PLCB4: variants seen among roughly 807,000 people sequenced by gnomAD.
PLCB4 encodes 1-phosphatidylinositol 4,5-bisphosphate phosphodiesterase beta-4.
In PLCB4, 77 loss-of-function variants were observed where a neutral mutation model predicts 178.8. The ratio of observed to expected loss-of-function variants is 0.43; its 90% CI spans 0.36 to 0.52. The LOEUF (loss-of-function observed/expected upper bound fraction) is 0.52, where lower values mean the gene tolerates loss of function less well. PLCB4 is among the 20% of genes least tolerant of loss of function. PLCB4 has a pLI of 0.00. For synonymous variants in PLCB4, 496 were observed against 490.8 expected (o/e 1.01, Z -0.14); for missense variants, 1,024 against 1,453.4 (o/e 0.70, Z 4.80).
chr20:9,374,356 A>G (rs979249439), intron 12 of PLCB4, among the ~76,000 whole-genome samples: 2 of 152,224 alleles, frequency 1.3e-5, no homozygotes, highest in African/African-American at 4.8e-5. Flanking sequence ...ATCTTTACCC[A>G]GATACTATCC....
intron 36 of PLCB4, 57 bp from the exon 37 acceptor site, chr20:9,472,733 A>G (rs2044271368): frequency 2.1e-6 from 2 of 932,916 alleles, no homozygotes; most frequent in African/African-American, 3.4e-5. Flanking sequence ...ATTATTTGAT[A>G]TAATATTAAT....
At chr20:9,190,536 G>C (rs1187488122) in intron 2 of PLCB4, among the ~76,000 whole-genome samples, 1 of 152,156 alleles carries the variant, frequency 6.6e-6, no homozygotes, top group Non-Finnish European at 1.5e-5. Context: ...GTCTCAGGCA[G>C]CTCTTTTTAG....
intron 3 of PLCB4, among the ~76,000 whole-genome samples, chr20:9,239,340 T>C (rs1255132142): frequency 1.3e-5 from 2 of 152,228 alleles, no homozygotes; most frequent in Non-Finnish European, 2.9e-5. Context: ...CATGTCAGTA[T>C]AGATTGCATT....
intron 3 of PLCB4, among the ~76,000 whole-genome samples, chr20:9,278,740 G>A (rs553817088): frequency 2.6e-5 from 4 of 152,088 alleles, no homozygotes; most frequent in East Asian, 2.0e-4. Flanking sequence ...CAGGGTCCTC[G>A]AAAGTAGCAA....
chr20:9,324,431 A>C (rs959190338), intron 4 of PLCB4, among the ~76,000 whole-genome samples: 13 of 151,938 alleles, frequency 8.6e-5, no homozygotes, highest in Admixed American at 3.3e-4. Context: ...TCTGTCTCAA[A>C]AACAACAACA....
intron 4 of PLCB4, among the ~76,000 whole-genome samples, chr20:9,331,239 C>T (rs1049752025): frequency 1.3e-5 from 2 of 152,172 alleles, no homozygotes; most frequent in Non-Finnish European, 2.9e-5. Flanking sequence ...CTCCATTTCA[C>T]ATTTCTCTAC....
intron 14 of PLCB4, 131 bp downstream of exon 14, chr20:9,384,542 A>G (rs1225769823): frequency 1.1e-5 from 7 of 661,292 alleles, no homozygotes; most frequent in Non-Finnish European, 1.9e-5. Context: ...ATGGATTATC[A>G]TGGTCATTTA....
chr20:9,343,462 T>G (rs147150659), intron 7 of PLCB4, among the ~76,000 whole-genome samples: 1 of 152,192 alleles, frequency 6.6e-6, no homozygotes, highest in Non-Finnish European at 1.5e-5. Context: ...TAAAATATTA[T>G]CTGAAACCTG....
intron 3 of PLCB4, among the ~76,000 whole-genome samples, chr20:9,278,728 T>G (rs2094470324): frequency 6.6e-6 from 1 of 151,992 alleles, no homozygotes; most frequent in Admixed American, 6.6e-5. Flanking sequence ...GCGCTGGACT[T>G]CCAGGGTCCT....
At chr20:9,248,496 A>G (rs939154529) in intron 3 of PLCB4, among the ~76,000 whole-genome samples, 2 of 152,228 alleles carry the variant, frequency 1.3e-5, no homozygotes, top group Admixed American at 6.5e-5. Flanking sequence ...CCTGGAGCAT[A>G]CATAGTGTTT....
In PLCB4 at chr20:9,207,582, G is replaced by A. The variant is rs1159920324; in HGVS notation, c.-78-9808G>A. Among the ~76,000 whole-genome samples, 3 of 152,220 alleles carry A rather than the reference G, an allele frequency of 2.0e-5. No homozygotes were observed. In the East Asian group the frequency reaches 5.8e-4, roughly 29 times the overall value. On this transcript the variant is annotated intron_variant, in intron 2 of 39. Transcript: ENST00000378473. ...CTGTGCTGCCTGTGGCTGGTGGCAC[G>A]TGGTGCCGTGCTGCCATTGCTATGG... is the stretch of plus-strand genomic sequence containing the variant.
At chr20:9,271,179 T>G (rs1270637468) in intron 3 of PLCB4, among the ~76,000 whole-genome samples, 1 of 152,162 alleles carries the variant, frequency 6.6e-6, no homozygotes, top group African/African-American at 2.4e-5. Flanking sequence ...TGTTCTATGA[T>G]TGTTCATTAC....
intron 3 of PLCB4, among the ~76,000 whole-genome samples, chr20:9,280,967 G>C (rs1263041342): frequency 4.6e-5 from 7 of 151,338 alleles, no homozygotes; most frequent in African/African-American, 1.7e-4. Context: ...AAAAAAAAGA[G>C]GTATACCACA....
intron 4 of PLCB4, among the ~76,000 whole-genome samples, chr20:9,324,528 AT>A (rs1265456176): frequency 6.6e-6 from 1 of 152,220 alleles, no homozygotes; most frequent in East Asian, 1.9e-4. Context: ...CAATCTTCCC[AT>A]TCTCATTTCC....
At chr20:9,405,975 A>G (rs150485954) in intron 21 of PLCB4, among the ~76,000 whole-genome samples, 4 of 152,292 alleles carry the variant, frequency 2.6e-5, no homozygotes, top group Non-Finnish European at 4.4e-5. Context: ...TTGAGATCGT[A>G]TCTTCTCACC....
At chr20:9,306,482 A>T (rs574141437) in intron 3 of PLCB4, among the ~76,000 whole-genome samples, 2 of 152,290 alleles carry the variant, frequency 1.3e-5, no homozygotes, top group Admixed American at 1.3e-4. Flanking sequence ...AATTCAGCTC[A>T]TCTATTAAGT....
intron 2 of PLCB4, among the ~76,000 whole-genome samples, chr20:9,189,886 C>G (rs542799521): frequency 6.6e-6 from 1 of 152,260 alleles, no homozygotes; most frequent in South Asian, 2.1e-4. Context: ...AAAGGCCCCA[C>G]TTCTTAATAC....
At chr20:9,280,735 G>A (rs1302271582) in intron 3 of PLCB4, among the ~76,000 whole-genome samples, 1 of 151,874 alleles carries the variant, frequency 6.6e-6, no homozygotes, top group Non-Finnish European at 1.5e-5. Flanking sequence ...ATACTGAATT[G>A]GAGGGAGATA....
At chr20:9,116,808 C>G (rs115130747) in intron 2 of PLCB4, among the ~76,000 whole-genome samples, 4,125 of 152,158 alleles carry the variant, frequency 0.027, 182 homozygotes, top group African/African-American at 0.093. Flanking sequence ...TTTAACATAT[C>G]GAGTCTACCC....
Sources: gnomAD v4.1 joint callset for allele counts (sites outside exome capture counted in the v4.1 genomes callset) on GRCh38, gnomAD v4.1.1 for gene constraint, MANE v1.5 for transcripts, NCBI Gene and HGNC (gene_info 2026-07-23, HGNC 2026-07-21) for gene names.